SLC25A47: variants seen among roughly 807,000 people sequenced by gnomAD.
The protein encoded by SLC25A47 is solute carrier family 25 member 47.
Under a neutral mutation model 29.8 loss-of-function variants are expected in SLC25A47, and 30 were observed. The ratio of observed to expected loss-of-function variants is 1.01; its 90% CI spans 0.75 to 1.36. The LOEUF is 1.36. Among genes scored for constraint, SLC25A47 ranks in the 40% most tolerant of loss-of-function variants. The pLI, the probability that SLC25A47 is intolerant of heterozygous loss-of-function variation, is 0.00. For missense variants in SLC25A47, 430 were observed against 441.9 expected (o/e 0.97, Z 0.24); for synonymous variants, 204 against 197.8 (o/e 1.03, Z -0.26).
chr14:100,328,920 G>T lies in SLC25A47; in HGVS notation c.522G>T (p.Gly174=), dbSNP rs1434934288. ...TGGCCACGGTAGCCCGTGAGGAGGG[G>T]CTGTGCGGCCTCTACAAGGGCAGCT... ...HCLATVAREE[G]LCGLYKGSSA... is the part of the protein sequence containing the mutation. Residue 174 remains glycine (G), a synonymous_variant, in exon 5 of 6, where the codon GGG becomes GGT. Coordinates refer to ENST00000361529, the MANE Select transcript of SLC25A47 (RefSeq NM_207117.4). The T allele has an allele frequency of 6.2e-7, 1 of 1,608,804 alleles. No homozygotes were observed. The highest frequency in any genetic ancestry group is 1.7e-5 in the Admixed American group (1 of 60,028).
intron 1 of SLC25A47, among the ~76,000 whole-genome samples, chr14:100,325,137 T>C (rs969341928): frequency 1.3e-5 from 2 of 152,188 alleles, no homozygotes; most frequent in African/African-American, 2.4e-5. Context: ...CTGTTTCCCC[T>C]CTGACTTCCC....
In SLC25A47 at chr14:100,326,226, CG is replaced by C; in HGVS notation, c.143del (p.Arg48ProfsTer65). 6.2e-7 allele frequency: 1 copy of C among 1,613,600 alleles called. No individual in the cohort carries two copies. Among genetic ancestry groups the C allele is most frequent in the Non-Finnish European group, 8.5e-7 (1 of 1,179,862 alleles). ...HCVRDTYHRE[R>X]VWGFYRGLSL... Reference sequence around the variant, plus strand: ...CGTCCGGGATACGTATCACCGAGAGCGCGTAGGTCTGGGGCCAGGGGCTGGG... The same window carrying C: ...CGTCCGGGATACGTATCACCGAGAGCCGTAGGTCTGGGGCCAGGGGCTGGG... On this transcript the variant is annotated frameshift_variant and splice_region_variant, in exon 3 of 6. Transcript: ENST00000361529. LOFTEE classifies it high-confidence loss of function.
rs1189954308 is a variant in SLC25A47, at chr14:100,329,003, T to A, written c.605T>A (p.Val202Asp). The A allele has an allele frequency of 6.2e-7, 1 of 1,600,124 alleles. No homozygotes were observed. Among genetic ancestry groups the A allele is most frequent in the Non-Finnish European group, 8.5e-7 (1 of 1,179,768 alleles). ...GCCACCTACTTCCTTTCCTACGCGG[T>A]CCTCTGCGAGTGGCTCAGCCCCGCT... is the stretch of plus-strand genomic sequence containing the variant. ...SFATYFLSYA[V>D]LCEWLSPAGH... Residue 202 changes from valine to aspartate, a missense_variant, in exon 5 of 6, where the codon GTC becomes GAC. Physicochemically the swap from Val to Asp is radical, Grantham distance 152. Transcript: ENST00000361529.
At chr14:100,324,425 A>G (rs1319301750) in intron 1 of SLC25A47, among the ~76,000 whole-genome samples, 1 of 152,082 alleles carries the variant, frequency 6.6e-6, no homozygotes, top group Non-Finnish European at 1.5e-5. Flanking sequence ...GGGTTTTACC[A>G]TGTTGGTCAG....
rs149283899 is a variant in SLC25A47 at position 100,329,038 on chromosome 14, C to T, written c.640C>T (p.Arg214Trp). The change falls in exon 5 of 6, where the codon CGG (arginine) becomes TGG (tryptophan). Residue 214 changes from arginine to tryptophan, a missense_variant. Arg to Trp is a moderately radical substitution (Grantham distance 101). Coordinates refer to ENST00000361529, the MANE Select transcript of SLC25A47 (RefSeq NM_207117.4). ...GTGGCTCAGCCCCGCTGGCCACAGC[C>T]GGCCAGGTGAGCAGGGGCTGGAACC... is the stretch of plus-strand genomic sequence containing the variant. ...CEWLSPAGHSRPDVPGVLVAG... is the reference protein window; with the variant it reads ...CEWLSPAGHSWPDVPGVLVAG... 4.4e-3 allele frequency: 7,114 copies of T among 1,598,898 alleles called. 27 individuals are homozygous for T. Among genetic ancestry groups the T allele is most frequent in the Middle Eastern group, 8.9e-3 (54 of 6,054 alleles).
At chr14:100,325,691 C>T (rs1826342842) in intron 1 of SLC25A47, 97 bp from the exon 2 acceptor site, 3 of 1,297,710 alleles carry the variant, frequency 2.3e-6, no homozygotes, top group Non-Finnish European at 3.2e-6. Context: ...CTTGGGGGAG[C>T]CCAGTCAGCG....
At chr14:100,325,327 C>T (rs1002690927) in intron 1 of SLC25A47, among the ~76,000 whole-genome samples, 2 of 152,230 alleles carry the variant, frequency 1.3e-5, no homozygotes, top group Non-Finnish European at 2.9e-5. Flanking sequence ...CTGTGCCTCC[C>T]CCTCCTTCCA....
intron 4 of SLC25A47, among the ~76,000 whole-genome samples, chr14:100,327,844 A>C: frequency 6.6e-6 from 1 of 152,194 alleles, no homozygotes; most frequent in Non-Finnish European, 1.5e-5. Flanking sequence ...AGACTTTCGC[A>C]CTTGGTGACA....
In SLC25A47 at chr14:100,328,740, G is replaced by T. The variant is rs377238447; in HGVS notation, c.342G>T (p.Ser114=). The T allele has an allele frequency of 6.2e-7, 1 of 1,612,986 alleles. No homozygotes were observed. Among genetic ancestry groups the T allele is most frequent in the East Asian group, 2.2e-5 (1 of 44,876 alleles). The change falls in exon 5 of 6, where the codon TCG becomes TCT. Residue 114 remains serine, a synonymous_variant. Coordinates refer to ENST00000361529, the MANE Select transcript of SLC25A47 (RefSeq NM_207117.4). ...ASGLVRVFLT[S]PTEVAKVRLQ... is the part of the protein sequence containing the mutation. ...CTCTGCTCCAGGTGTTCCTGACGTCGCCCACTGAGGTGGCCAAAGTCCGCT... is the reference window on the plus strand; with the variant it reads ...CTCTGCTCCAGGTGTTCCTGACGTCTCCCACTGAGGTGGCCAAAGTCCGCT...
rs1468563694 is a variant in SLC25A47 at position 100,327,262 on chromosome 14, C to T, written c.219C>T (p.Thr73=). ...TGGTATCTTCCGTGTCTTTTGGCAC[C>T]TACCGCCACTGCCTGGCGCACATCT... ...VSLVSSVSFG[T]YRHCLAHICR... Residue 73 remains threonine, a synonymous_variant, in exon 4 of 6, where the codon ACC becomes ACT. Coordinates refer to ENST00000361529, the MANE Select transcript of SLC25A47 (RefSeq NM_207117.4). 1.2e-5 allele frequency: 19 copies of T among 1,608,234 alleles called. No homozygotes were observed. The highest frequency in any genetic ancestry group is 6.7e-5 in the East Asian group (3 of 44,880).
Position 100,325,785 on chromosome 14 carries a change from C to T in SLC25A47, c.29-3C>T. 1 of 1,612,746 alleles carries T rather than the reference C, an allele frequency of 6.2e-7. No homozygotes were observed. The highest frequency in any genetic ancestry group is 2.2e-5 in the East Asian group (1 of 44,840). On this transcript the variant is annotated splice_region_variant and splice_polypyrimidine_tract_variant and intron_variant, in intron 1 of 5. Transcript: ENST00000361529. Reference sequence around the variant, plus strand: ...TCACCGTGGGCCTCTTCTTTCCTTGCAGGCGTCTGCGGTGTTGCTGTGGGC... The same window carrying T: ...TCACCGTGGGCCTCTTCTTTCCTTGTAGGCGTCTGCGGTGTTGCTGTGGGC...
In SLC25A47 at chr14:100,329,457, G is replaced by C. The variant is rs780569613; in HGVS notation, c.739G>C (p.Ala247Pro). 1 of 1,613,520 alleles carries C rather than the reference G, an allele frequency of 6.2e-7. No individual in the cohort carries two copies. The highest frequency in any genetic ancestry group is 1.1e-5 in the South Asian group (1 of 91,090). Residue 247 changes from alanine (A) to proline (P), a missense_variant, in exon 6 of 6, where the codon GCA becomes CCA. Physicochemically the swap from Ala to Pro is conservative, Grantham distance 27. Coordinates refer to ENST00000361529, the MANE Select transcript of SLC25A47 (RefSeq NM_207117.4). ...PMDVIKSRLQ[A>P]DGQGQRRYRG... is the part of the protein sequence containing the mutation. ...GGACGTGATCAAGTCGAGACTGCAGGCAGACGGGCAGGGCCAGAGGCGCTA... is the reference window on the plus strand; with the variant it reads ...GGACGTGATCAAGTCGAGACTGCAGCCAGACGGGCAGGGCCAGAGGCGCTA...
rs1445134166 is a variant in SLC25A47 at position 100,323,375 on chromosome 14, C to T, written c.-40C>T. 1.9e-6 allele frequency: 3 copies of T among 1,611,724 alleles called. No homozygotes were observed. Among genetic ancestry groups the T allele is most frequent in the Non-Finnish European group, 2.5e-6 (3 of 1,179,404 alleles). ...CACCCTGGTGGCACCAAAGCCCTCT[C>T]AGGCAGGCAGACCCAGGGCCTCCCC... On this transcript the variant is annotated 5_prime_UTR_variant, in exon 1 of 6. Coordinates refer to ENST00000361529, the MANE Select transcript of SLC25A47 (RefSeq NM_207117.4).
intron 1 of SLC25A47, 96 bp downstream of exon 1, chr14:100,323,538 T>G: frequency 6.9e-7 from 1 of 1,447,230 alleles, no homozygotes; most frequent in Non-Finnish European, 9.6e-7. Flanking sequence ...CAGGGTGGGC[T>G]TTGAGGAGCC....
rs1387045603 is a variant in SLC25A47 at position 100,329,661 on chromosome 14, A to G, written c.*16A>G. On this transcript the variant is annotated 3_prime_UTR_variant, in exon 6 of 6. Coordinates refer to ENST00000361529, the MANE Select transcript of SLC25A47 (RefSeq NM_207117.4). ...GCTCACATAGCCGGTCCCCACGCCC[A>G]GCGGCCCACCCACCAGCAGCTGCTG... The G allele has an allele frequency of 6.3e-7, 1 of 1,593,844 alleles. No individual in the cohort carries two copies. Among genetic ancestry groups the G allele is most frequent in the East Asian group, 2.2e-5 (1 of 44,628 alleles).
intron 1 of SLC25A47, among the ~76,000 whole-genome samples, chr14:100,325,156 T>C (rs566441861): frequency 6.6e-6 from 1 of 152,336 alleles, no homozygotes. Flanking sequence ...CCTGTGGCAG[T>C]GCTGGGGCTT....
rs778591021 is a variant in SLC25A47 at position 100,328,986 on chromosome 14, C to T, written c.588C>T (p.Tyr196=). Residue 196 remains tyrosine (Y), a synonymous_variant, in exon 5 of 6, where the codon TAC becomes TAT. Transcript: ENST00000361529. ...GGGACGGCCACTCCTTTGCCACCTACTTCCTTTCCTACGCGGTCCTCTGCG... is the reference window on the plus strand; with the variant it reads ...GGGACGGCCACTCCTTTGCCACCTATTTCCTTTCCTACGCGGTCCTCTGCG... ...VLRDGHSFAT[Y]FLSYAVLCEW... is the part of the protein sequence containing the mutation. 1.2e-6 allele frequency: 2 copies of T among 1,601,532 alleles called. No individual in the cohort carries two copies. Among genetic ancestry groups the T allele is most frequent in the Non-Finnish European group, 1.7e-6 (2 of 1,179,848 alleles).
Position 100,330,402 on chromosome 14 carries a change from GCTGA to G in SLC25A47, c.*761_*764del. The G allele has an allele frequency of 6.5e-6, 1 of 153,508 alleles. No homozygotes were observed. The highest frequency in any genetic ancestry group is 1.9e-4 in the East Asian group (1 of 5,222). The allele number at this position is 153,508 out of a possible 1,614,324, so 9.5% of individuals were successfully genotyped here. ...CAGGGCTGTGGCTCCATGGCCGTGG[GCTGA>G]CTGTTCCCTGCCCCCAGCAGCTTTG... On this transcript the variant is annotated 3_prime_UTR_variant, in exon 6 of 6. Coordinates refer to ENST00000361529, the MANE Select transcript of SLC25A47 (RefSeq NM_207117.4).
chr14:100,327,981 A>G (rs1893371541), intron 4 of SLC25A47, among the ~76,000 whole-genome samples: 1 of 152,266 alleles, frequency 6.6e-6, no homozygotes, highest in East Asian at 1.9e-4. Context: ...AGACTCTTGG[A>G]GCTTCTGTCT....
Sources: gnomAD v4.1 joint callset for allele counts (sites outside exome capture counted in the v4.1 genomes callset) on GRCh38, gnomAD v4.1.1 for gene constraint, MANE v1.5 for transcripts, NCBI Gene and HGNC (gene_info 2026-07-23, HGNC 2026-07-21) for gene names.